Variants in SP4 observed in about 807,000 individuals in gnomAD.
The protein encoded by SP4 is Sp4 transcription factor, also known as transcription factor Sp4.
In SP4, 19 loss-of-function variants were observed where a neutral mutation model predicts 72.8. The ratio of observed to expected loss-of-function variants is 0.26; its 90% CI spans 0.18 to 0.38. The LOEUF (loss-of-function observed/expected upper bound fraction) is 0.38. Among genes scored for constraint, SP4 ranks in the 10% least tolerant of loss-of-function variants. The probability of loss-of-function intolerance (pLI) is 1.00; values close to 1 mark genes in which losing one functional copy is unlikely to be tolerated. For missense variants in SP4, 1,008 were observed against 926.3 expected, an observed-to-expected ratio of 1.09 and a Z score of -1.14; for synonymous variants, 395 against 333.1, an observed-to-expected ratio of 1.19 and a Z score of -2.02.
chr7:21,489,990 A>T (rs1187285815), intron 5 of SP4, among the ~76,000 whole-genome samples: 1 of 152,242 alleles, frequency 6.6e-6, no homozygotes, highest in African/African-American at 2.4e-5. Flanking sequence ...TAGTATGTGA[A>T]ACATCAAAAC....
intron 3 of SP4, among the ~76,000 whole-genome samples, chr7:21,473,521 T>C (rs1784409789): frequency 6.6e-6 from 1 of 152,246 alleles, no homozygotes; most frequent in South Asian, 2.1e-4. Context: ...CATGGCACTT[T>C]ACCTTCAGAA....
intron 5 of SP4, among the ~76,000 whole-genome samples, chr7:21,486,309 G>A (rs567610790): frequency 6.6e-6 from 1 of 151,786 alleles, no homozygotes; most frequent in African/African-American, 2.4e-5. Context: ...TTCCCTTATT[G>A]TAAACTTCTT....
chr7:21,443,803 GAGAA>G (rs1330027492), intron 3 of SP4, among the ~76,000 whole-genome samples: 4 of 152,176 alleles, frequency 2.6e-5, no homozygotes, highest in African/African-American at 7.2e-5. Context: ...ATTTATATAA[GAGAA>G]AGAAATACTT....
chr7:21,481,755 T>A (rs1166104467), intron 4 of SP4, among the ~76,000 whole-genome samples, 169 bp from the exon 5 acceptor site: 4 of 152,216 alleles, frequency 2.6e-5, no homozygotes, highest in Non-Finnish European at 5.9e-5. Context: ...CAGACCTGTT[T>A]TATTTTGTCT....
intron 3 of SP4, among the ~76,000 whole-genome samples, chr7:21,459,983 G>C (rs1783903003): frequency 6.6e-6 from 1 of 152,188 alleles, no homozygotes; most frequent in South Asian, 2.1e-4. Context: ...AAAGAGAGAT[G>C]AATGGTAAAA....
intron 3 of SP4, among the ~76,000 whole-genome samples, chr7:21,432,949 G>T (rs1474009921): frequency 6.6e-6 from 1 of 152,184 alleles, no homozygotes; most frequent in Admixed American, 6.5e-5. Context: ...AGCTGTGATT[G>T]CCTCACTGCA....
Position 21,430,172 on chromosome 7 carries a change from A to T in SP4, c.1007A>T (p.Asp336Val). Residue 336 changes from aspartate (D) to valine (V), a missense_variant, in exon 3 of 6, where the codon GAC becomes GTC. By Grantham distance (152) the Asp-to-Val change is radical (BLOSUM62 -3). This residue lies in a region of SP4 where 893 missense variants were observed against 743.3 expected (regional missense o/e 1.20). Coordinates refer to ENST00000222584, the MANE Select transcript of SP4 (RefSeq NM_003112.5). ...TTASTSLTSS[D>V]TLVSSADTGQ... Reference sequence around the variant, plus strand: ...GCTTCAACGTCTTTGACAAGCAGTGACACATTAGTGAGCTCAGCAGATACT... The same window carrying T: ...GCTTCAACGTCTTTGACAAGCAGTGTCACATTAGTGAGCTCAGCAGATACT... The T allele has an allele frequency of 6.2e-7, 1 of 1,614,220 alleles. No individual in the cohort carries two copies. Among genetic ancestry groups the T allele is most frequent in the Non-Finnish European group, 8.5e-7 (1 of 1,180,030 alleles).
In SP4 at chr7:21,429,885, A is replaced by G; in HGVS notation, c.720A>G (p.Pro240=). 1 of 1,614,088 alleles carries G rather than the reference A, an allele frequency of 6.2e-7. No individual in the cohort carries two copies. Among genetic ancestry groups the G allele is most frequent in the Non-Finnish European group, 8.5e-7 (1 of 1,179,930 alleles). Residue 240 remains proline, a synonymous_variant, in exon 3 of 6, where the codon CCA becomes CCG. Coordinates refer to ENST00000222584, the MANE Select transcript of SP4 (RefSeq NM_003112.5). ...AAATTAGACCTGGTGTTTCAATACCACTGCAGTTACAGACTCTTCCTGGTA... is the reference window on the plus strand; with the variant it reads ...AAATTAGACCTGGTGTTTCAATACCGCTGCAGTTACAGACTCTTCCTGGTA... The part of the protein sequence containing the change: ...PVQIRPGVSI[P]LQLQTLPGTQ...
At chr7:21,506,773 A>G (rs1782009242) in intron 5 of SP4, among the ~76,000 whole-genome samples, 1 of 152,164 alleles carries the variant, frequency 6.6e-6, no homozygotes, top group Non-Finnish European at 1.5e-5. Context: ...GGTCCTCTAG[A>G]TCTAATCCGG....
At chr7:21,463,598 T>C (rs572366578) in intron 3 of SP4, among the ~76,000 whole-genome samples, 22 of 152,134 alleles carry the variant, frequency 1.4e-4, no homozygotes, top group African/African-American at 5.3e-4. Flanking sequence ...AGGATGAAGA[T>C]TGAGTTCAAA....
chr7:21,442,310 G>C (rs1783286225), intron 3 of SP4, among the ~76,000 whole-genome samples: 1 of 152,056 alleles, frequency 6.6e-6, no homozygotes, highest in African/African-American at 2.4e-5. Flanking sequence ...TAAATGCTGG[G>C]ATTACAGGCG....
chr7:21,462,846 T>G (rs903013736), intron 3 of SP4, among the ~76,000 whole-genome samples: 5 of 152,230 alleles, frequency 3.3e-5, no homozygotes, highest in Non-Finnish European at 5.9e-5. Context: ...TATTGAATGT[T>G]GACTTGAGAG....
chr7:21,466,243 T>G (rs1279086053), intron 3 of SP4, among the ~76,000 whole-genome samples: 1 of 152,214 alleles, frequency 6.6e-6, no homozygotes, highest in Admixed American at 6.5e-5. Flanking sequence ...AGGTACTCAG[T>G]AGAAGTTTGC....
intron 3 of SP4, among the ~76,000 whole-genome samples, chr7:21,440,106 C>T (rs899472449): frequency 6.6e-6 from 1 of 152,266 alleles, no homozygotes; most frequent in East Asian, 1.9e-4. Flanking sequence ...TTAGAGGCTT[C>T]GTAGAGCACA....
intron 5 of SP4, among the ~76,000 whole-genome samples, chr7:21,492,204 AGTT>A (rs1784997105): frequency 6.6e-6 from 1 of 152,212 alleles, no homozygotes; most frequent in Non-Finnish European, 1.5e-5. Context: ...ATAATATAGA[AGTT>A]GTTATATATA....
intron 5 of SP4, among the ~76,000 whole-genome samples, chr7:21,485,525 A>G (rs1025969954): frequency 2.6e-5 from 4 of 151,956 alleles, no homozygotes; most frequent in African/African-American, 4.8e-5. Flanking sequence ...TATCTAAATC[A>G]TATACTTAAA....
intron 5 of SP4, among the ~76,000 whole-genome samples, chr7:21,506,751 A>C (rs1447526608): frequency 6.6e-6 from 1 of 152,166 alleles, no homozygotes; most frequent in Non-Finnish European, 1.5e-5. Context: ...TTCAAAAGGC[A>C]TTGCCCTACT....
chr7:21,457,112 T>C (rs1472516787), intron 3 of SP4, among the ~76,000 whole-genome samples: 2 of 152,234 alleles, frequency 1.3e-5, no homozygotes, highest in Non-Finnish European at 2.9e-5. Flanking sequence ...CCAGGGAGCC[T>C]ATAACTTCCT....
chr7:21,458,128 G>A (rs1021981434), intron 3 of SP4, among the ~76,000 whole-genome samples: 1 of 151,538 alleles, frequency 6.6e-6, no homozygotes, highest in South Asian at 2.1e-4. Context: ...GTCTGACCAC[G>A]TCTTTAAATT....
Sources: gnomAD v4.1 joint callset for allele counts (sites outside exome capture counted in the v4.1 genomes callset) on GRCh38, gnomAD v4.1.1 for gene constraint, gnomAD v4.1.1 regional missense constraint, MANE v1.5 for transcripts, NCBI Gene and HGNC (gene_info 2026-07-23, HGNC 2026-07-21) for gene names.